TDP1: variants seen among roughly 807,000 people sequenced by gnomAD.
TDP1 encodes tyr-DNA phosphodiesterase 1.
In TDP1, 64 loss-of-function variants were observed where a neutral mutation model predicts 81.5. The observed-to-expected ratio is 0.79, with a 90% CI of 0.64 to 0.97. The LOEUF (loss-of-function observed/expected upper bound fraction) is 0.97, where lower values mean the gene tolerates loss of function less well. Ranked by LOEUF, TDP1 falls within the 50% of genes least tolerant of loss-of-function variation. The probability of loss-of-function intolerance (pLI) is 0.00; values close to 1 mark genes in which losing one functional copy is unlikely to be tolerated. For missense variants in TDP1, 723 were observed against 743.8 expected (o/e 0.97, Z 0.33); for synonymous variants, 256 against 264.3 (o/e 0.97, Z 0.30).
At chr14:90,019,203 G>C in intron 14 of TDP1, 113 bp from the exon 15 acceptor site, 1 of 1,298,606 alleles carries the variant, frequency 7.7e-7, no homozygotes, top group Non-Finnish European at 1.1e-6. Context: ...GAAAATGAAT[G>C]AATGTGATTG....
At chr14:89,963,853 C>G (rs1334271579) in intron 3 of TDP1, among the ~76,000 whole-genome samples, 180 bp downstream of exon 3, 1 of 152,232 alleles carries the variant, frequency 6.6e-6, no homozygotes, top group East Asian at 1.9e-4. Context: ...GTTTACTTAA[C>G]TCAGGCAGAG....
intron 2 of TDP1, among the ~76,000 whole-genome samples, chr14:89,960,404 C>T (rs999835677): frequency 6.6e-6 from 1 of 152,170 alleles, no homozygotes; most frequent in Middle Eastern, 3.2e-3. Context: ...ACCCCTTTAA[C>T]CATGACAATA....
At position 89,989,747 on chromosome 14, in the gene TDP1, A is replaced by G; in HGVS notation, c.1348A>G (p.Ser450Gly). The G allele has an allele frequency of 5.0e-6, 8 of 1,611,252 alleles. No individual in the cohort carries two copies. Among genetic ancestry groups the G allele is most frequent in the South Asian group, 2.2e-5 (2 of 91,012 alleles). The change falls in exon 12 of 17, where the codon AGT becomes GGT. Residue 450 changes from serine to glycine, a missense_variant. Physicochemically the swap from Ser to Gly is moderately conservative, Grantham distance 56. Coordinates refer to ENST00000335725, the MANE Select transcript of TDP1 (RefSeq NM_018319.4). ...TCCTTCTGTGGAAAATGTGCGGACC[A>G]GTTTAGAAGGATATCCTGGTAATTC... ...IYPSVENVRT[S>G]LEGYPAGGSL...
chr14:89,964,676 G>T (rs1892724673), intron 3 of TDP1, among the ~76,000 whole-genome samples: 1 of 152,128 alleles, frequency 6.6e-6, no homozygotes. Context: ...TTCTTTTTGA[G>T]AATCTCTTAT....
At chr14:90,007,970 T>C (rs2140209320) in intron 14 of TDP1, among the ~76,000 whole-genome samples, 1 of 152,336 alleles carries the variant, frequency 6.6e-6, no homozygotes, top group South Asian at 2.1e-4. Flanking sequence ...AGTTGCCATC[T>C]AATTGTTGCT....
In TDP1 at chr14:89,975,581, G is replaced by GTGT. The variant is rs1289662801; in HGVS notation, c.757-199_757-198insGTT. The GTGT allele has an allele frequency of 3.9e-4, 104 of 269,232 alleles. 1 individual carries two copies. Among genetic ancestry groups the GTGT allele is most frequent in the African/African-American group, 2.6e-3 (90 of 34,354 alleles). 16.7% of individuals were successfully genotyped at this position (269,232 alleles called of 1,614,324 possible). A position where few individuals can be genotyped will look rare whatever the true frequency, so the allele number is the denominator to read the frequency against. On this transcript the variant is annotated intron_variant, in intron 6 of 16. Coordinates refer to ENST00000335725, the MANE Select transcript of TDP1 (RefSeq NM_018319.4). ...AATCATTCTGGGTAACAAAATTTGTGTTTTTTTTTTTTTTTTTTTTAATGA... is the reference window on the plus strand; with the variant it reads ...AATCATTCTGGGTAACAAAATTTGTGTGTTTTTTTTTTTTTTTTTTTTTAATGA...
chr14:89,971,138 G>T lies in TDP1; in HGVS notation c.660-37G>T. ...GGTGTGAGCCACTGAGCCTGGCCAT[G>T]AATGATGTATATTAAATACTAATGC... On this transcript the variant is annotated intron_variant, in intron 5 of 16. Transcript: ENST00000335725. The T allele has an allele frequency of 1.9e-6, 3 of 1,573,234 alleles. No individual in the cohort carries two copies. The Admixed American group carries it at 5.0e-5, about 26-fold the overall frequency.
chr14:89,981,376 C>G, intron 8 of TDP1: 1 of 426,298 alleles, frequency 2.3e-6, no homozygotes, highest in Admixed American at 2.6e-5. Flanking sequence ...GAGGGGTTTG[C>G]TTTTTAAAAG....
intron 16 of TDP1, among the ~76,000 whole-genome samples, chr14:90,039,195 A>G (rs1273968325): frequency 1.3e-5 from 2 of 152,238 alleles, no homozygotes; most frequent in African/African-American, 2.4e-5. Flanking sequence ...CAGTTCACAG[A>G]GAAAGGTGTT....
intron 15 of TDP1, among the ~76,000 whole-genome samples, chr14:90,020,735 C>G (rs1885979800): frequency 7.0e-6 from 1 of 142,800 alleles, no homozygotes; most frequent in African/African-American, 2.7e-5. Context: ...ACCAACTGGA[C>G]CAGATGATTT....
At chr14:90,033,570 T>G (rs1887527263) in intron 16 of TDP1, 1 of 311,490 alleles carries the variant, frequency 3.2e-6, no homozygotes, top group Admixed American at 4.2e-5. Flanking sequence ...ACCTCTTAAA[T>G]TAGTCTACAC....
chr14:89,978,758 T>C (rs1894640027), intron 7 of TDP1, among the ~76,000 whole-genome samples: 1 of 151,698 alleles, frequency 6.6e-6, no homozygotes, highest in African/African-American at 2.4e-5. Context: ...ACTGACTTAT[T>C]CTTAATTACA....
At chr14:89,996,428 T>C (rs1028079618) in intron 14 of TDP1, among the ~76,000 whole-genome samples, 1 of 152,148 alleles carries the variant, frequency 6.6e-6, no homozygotes, top group Non-Finnish European at 1.5e-5. Flanking sequence ...ATCCCTTTTC[T>C]CTCTTTCTTC....
At chr14:89,988,494 A>G (rs1427058738) in intron 10 of TDP1, 2 of 649,112 alleles carry the variant, frequency 3.1e-6, no homozygotes, top group African/African-American at 4.0e-5. Flanking sequence ...TAGTAGTTGC[A>G]TGCCAGGAAA....
At chr14:89,967,453 T>A in intron 5 of TDP1, 31 bp downstream of exon 5, 1 of 1,589,634 alleles carries the variant, frequency 6.3e-7, no homozygotes, top group South Asian at 1.1e-5. Flanking sequence ...GACAACACTA[T>A]AAACTGTAAA....
intron 14 of TDP1, among the ~76,000 whole-genome samples, chr14:90,014,172 T>C (rs1885044168): frequency 6.6e-6 from 1 of 152,230 alleles, no homozygotes; most frequent in Non-Finnish European, 1.5e-5. Flanking sequence ...TATACAATGT[T>C]GCTAATAATC....
Position 89,993,272 on chromosome 14 carries a change from T to C in TDP1, c.1434-104T>C, listed in dbSNP as rs551886291. 9.9e-5 allele frequency: 127 copies of C among 1,279,906 alleles called. No individual in the cohort carries two copies. The African/African-American group carries it at 1.8e-3, about 18-fold the overall frequency. 79.3% of individuals were successfully genotyped at this position (1,279,906 alleles called of 1,614,324 possible). A position where few individuals can be genotyped will look rare whatever the true frequency, so the allele number is the denominator to read the frequency against. On this transcript the variant is annotated intron_variant, in intron 13 of 16. Coordinates refer to ENST00000335725, the MANE Select transcript of TDP1 (RefSeq NM_018319.4). ...GGTCACAGAGTCGTGTAGCCACTGT[T>C]GATTTTTAGATAATAGGCTCTTTGT...
intron 14 of TDP1, among the ~76,000 whole-genome samples, chr14:90,009,086 T>G (rs1884386925): frequency 6.6e-6 from 1 of 152,246 alleles, no homozygotes; most frequent in African/African-American, 2.4e-5. Flanking sequence ...GGTCTAATTA[T>G]ATTTTCTGTT....
intron 3 of TDP1, among the ~76,000 whole-genome samples, chr14:89,964,673 T>C (rs912694924): frequency 6.6e-6 from 1 of 152,226 alleles, no homozygotes. Context: ...GTTTTCTTTT[T>C]GAGAATCTCT....
Sources: allele counts gnomAD v4.1 joint callset (sites outside exome capture counted in the v4.1 genomes callset), GRCh38; gene constraint gnomAD v4.1.1; transcripts MANE v1.5; gene names NCBI Gene and HGNC (gene_info 2026-07-23, HGNC 2026-07-21).